The following ATP8A1 variants were observed in gnomAD, a reference collection of about 807,000 sequenced individuals.
The protein encoded by ATP8A1 is ATPase phospholipid transporting 8A1.
Under a neutral mutation model 177.7 loss-of-function variants are expected in ATP8A1, and 90 were observed. That is an observed-to-expected ratio of 0.51 (90% CI 0.43 to 0.60). ATP8A1 has a LOEUF of 0.60. ATP8A1 is among the 20% of genes least tolerant of loss of function. The pLI, the probability that ATP8A1 is intolerant of heterozygous loss-of-function variation, is 0.00. For missense variants in ATP8A1, 1,072 were observed against 1,392.8 expected, an observed-to-expected ratio of 0.77 and a Z score of 3.67; for synonymous variants, 493 against 485.9, an observed-to-expected ratio of 1.01 and a Z score of -0.19.
At chr4:42,515,745 A>G (rs1236248968) in intron 22 of ATP8A1, among the ~76,000 whole-genome samples, 1 of 152,202 alleles carries the variant, frequency 6.6e-6, no homozygotes, top group East Asian at 1.9e-4. Context: ...AAATTCTTCT[A>G]TCCTCTCCCT....
At chr4:42,495,496 A>C (rs1034242782) in intron 24 of ATP8A1, among the ~76,000 whole-genome samples, 1 of 152,218 alleles carries the variant, frequency 6.6e-6, no homozygotes, top group Non-Finnish European at 1.5e-5. Context: ...ATTTATGTAC[A>C]ACTGGCCCAT....
At chr4:42,507,696 C>T (rs2153194365) in intron 22 of ATP8A1, among the ~76,000 whole-genome samples, 1 of 133,146 alleles carries the variant, frequency 7.5e-6, no homozygotes, top group South Asian at 2.4e-4. Flanking sequence ...TGCCACTGCA[C>T]TCCAGCCTGG....
At chr4:42,422,769 G>A in intron 35 of ATP8A1, 38 bp downstream of exon 35, 39 of 1,508,078 alleles carry the variant, frequency 2.6e-5, no homozygotes, top group Non-Finnish European at 3.6e-5. Context: ...TAAATTTAAA[G>A]TTCATTTGGA....
Position 42,588,259 on chromosome 4 carries a change from C to A in ATP8A1, c.594+1G>T. 1 of 1,607,048 alleles carries A rather than the reference C, an allele frequency of 6.2e-7. No individual in the cohort carries two copies. Among genetic ancestry groups the A allele is most frequent in the South Asian group, 1.1e-5 (1 of 90,844 alleles). The stretch of plus-strand genomic sequence containing the variant: ...ATACATATACTTGTATCAGATCTTA[C>A]CTGTCTAATTTTCAAGTTTGTTTCA... On this transcript the variant is annotated splice_donor_variant, in intron 8 of 36. Coordinates refer to ENST00000381668, the MANE Select transcript of ATP8A1 (RefSeq NM_006095.2). LOFTEE classifies it high-confidence loss of function.
intron 4 of ATP8A1, among the ~76,000 whole-genome samples, chr4:42,616,564 T>C (rs1736937002): frequency 1.3e-5 from 2 of 152,224 alleles, no homozygotes; most frequent in South Asian, 4.1e-4. Context: ...TTTAATGATA[T>C]GCTGATGTCG....
At chr4:42,652,366 A>G (rs957063354) in intron 1 of ATP8A1, among the ~76,000 whole-genome samples, 7 of 152,202 alleles carry the variant, frequency 4.6e-5, no homozygotes, top group African/African-American at 1.7e-4. Flanking sequence ...AGCCAGCCCA[A>G]TAAGATCCCT....
At chr4:42,464,560 A>T in intron 27 of ATP8A1, 130 bp downstream of exon 27, 1 of 591,156 alleles carries the variant, frequency 1.7e-6, no homozygotes, top group Non-Finnish European at 2.9e-6. Flanking sequence ...TTTTGTTTTA[A>T]TACATTTAGA....
rs1159794343 is a variant in ATP8A1, at chr4:42,576,475, CAAAAA to C, written c.1129-781_1129-777del. On this transcript the variant is annotated intron_variant, in intron 12 of 36. Transcript: ENST00000381668. ...TGGGCGACAGAGCAAGACGCCGTCT[CAAAAA>C]AAAAAAAAAAAAAAAAAAAAAAAAA... 8.0e-4 allele frequency among the ~76,000 whole-genome samples: 26 copies of C among 32,408 alleles called. No individual in the cohort carries two copies. The East Asian group carries it at 0.014, about 17-fold the overall frequency. 21.3% of individuals were successfully genotyped at this position (32,408 alleles called of 152,430 possible). A position where few individuals can be genotyped will look rare whatever the true frequency, so the allele number is the denominator to read the frequency against.
At chr4:42,609,768 A>G (rs1437964226) in intron 5 of ATP8A1, among the ~76,000 whole-genome samples, 1 of 151,742 alleles carries the variant, frequency 6.6e-6, no homozygotes, top group Non-Finnish European at 1.5e-5. Flanking sequence ...AAGAAAATCA[A>G]TCTCTCTGTG....
intron 30 of ATP8A1, among the ~76,000 whole-genome samples, chr4:42,448,401 C>CTTTCTTTTTTTT (rs1717528910): frequency 1.0e-5 from 1 of 99,558 alleles, no homozygotes; most frequent in Non-Finnish European, 1.9e-5. Context: ...TCTTTCTTTT[C>CTTTCTTTTTTTT]TTTTTTTTTT....
chr4:42,443,751 C>T (rs999669305), intron 32 of ATP8A1, 79 bp from the exon 33 acceptor site: 3 of 685,404 alleles, frequency 4.4e-6, no homozygotes, highest in African/African-American at 1.8e-5. Context: ...CTCTCAAATT[C>T]CCTTATTAAC....
chr4:42,559,633 G>T (rs1730605880), intron 15 of ATP8A1, among the ~76,000 whole-genome samples: 1 of 152,090 alleles, frequency 6.6e-6, no homozygotes, highest in Non-Finnish European at 1.5e-5. Context: ...TGTTTAACTG[G>T]TATAAAATAC....
intron 5 of ATP8A1, among the ~76,000 whole-genome samples, chr4:42,604,418 C>T (rs1374145159): frequency 1.4e-5 from 1 of 71,670 alleles, no homozygotes; most frequent in Non-Finnish European, 3.5e-5. Context: ...AGTGTTATCA[C>T]ACAGCACACA....
intron 22 of ATP8A1, among the ~76,000 whole-genome samples, chr4:42,512,304 T>C (rs1181215857): frequency 3.3e-5 from 5 of 152,204 alleles, no homozygotes; most frequent in Non-Finnish European, 5.9e-5. Flanking sequence ...TGTCTGTTCT[T>C]GGTCTTCAAT....
chr4:42,494,271 G>A (rs1578046065), intron 24 of ATP8A1, among the ~76,000 whole-genome samples: 1 of 150,420 alleles, frequency 6.6e-6, no homozygotes, highest in South Asian at 2.1e-4. Flanking sequence ...TCAGGAGTTC[G>A]ACACCAGCCT....
At chr4:42,575,721 C>A (rs1327686021) in intron 12 of ATP8A1, 22 bp from the exon 13 acceptor site, 1 of 1,586,078 alleles carries the variant, frequency 6.3e-7, no homozygotes, top group Admixed American at 1.7e-5. Flanking sequence ...TTAAGTAAAT[C>A]ATTGAACACA....
chr4:42,424,668 TA>T lies in ATP8A1; in HGVS notation c.3124-964del, dbSNP rs754731656. Among the ~76,000 whole-genome samples the T allele has an allele frequency of 4.7e-4, 71 of 152,200 alleles. 2 individuals carry two copies. Among genetic ancestry groups the T allele is most frequent in the Non-Finnish European group, 6.6e-4 (45 of 68,030 alleles). ...CTAATCAATCAGTCCTTATCAAACATAAACATTTCTAATTTTAAATTATATT... is the reference window on the plus strand; with the variant it reads ...CTAATCAATCAGTCCTTATCAAACATAACATTTCTAATTTTAAATTATATT... On this transcript the variant is annotated intron_variant, in intron 33 of 36. Transcript: ENST00000381668.
chr4:42,606,241 T>C (rs1735786967), intron 5 of ATP8A1, among the ~76,000 whole-genome samples: 1 of 152,202 alleles, frequency 6.6e-6, no homozygotes, highest in African/African-American at 2.4e-5. Flanking sequence ...AGGCAAAGGA[T>C]ATGGTACAGC....
rs1475175239 is a variant in ATP8A1 at position 42,422,136 on chromosome 4, G to C, written c.3305+671C>G. Among the ~76,000 whole-genome samples, 11 of 152,114 alleles carry C rather than the reference G, an allele frequency of 7.2e-5. No individual in the cohort carries two copies. The East Asian group carries it at 1.9e-3, about 27-fold the overall frequency. On this transcript the variant is annotated intron_variant, in intron 35 of 36. Coordinates refer to ENST00000381668, the MANE Select transcript of ATP8A1 (RefSeq NM_006095.2). ...ATGGAGTCTCGCGCTCTGTTGCCCA[G>C]GCTGGAGTGCAGTGGCTTGATTTCG...
Sources: gnomAD v4.1 joint callset for allele counts (sites outside exome capture counted in the v4.1 genomes callset) on GRCh38, gnomAD v4.1.1 for gene constraint, MANE v1.5 for transcripts, NCBI Gene and HGNC (gene_info 2026-07-23, HGNC 2026-07-21) for gene names.